RTL1: variants seen among roughly 807,000 people sequenced by gnomAD.
The protein encoded by RTL1 is retrotransposon-like protein 1.
For missense variants in RTL1, 1,681 were observed against 1,767.5 expected (o/e 0.95, Z 0.88); for synonymous variants, 727 against 748.4 (o/e 0.97, Z 0.47).
At chr14:100,887,348 T>G (rs1186053687) in intron 3 of RTL1, among the ~76,000 whole-genome samples, 1 of 152,256 alleles carries the variant, frequency 6.6e-6, no homozygotes, top group East Asian at 1.9e-4. Context: ...TATCTCTTAA[T>G]TACCTATGAG....
intron 2 of RTL1, among the ~76,000 whole-genome samples, chr14:100,902,937 A>G (rs943116295): frequency 3.3e-5 from 5 of 152,212 alleles, no homozygotes; most frequent in African/African-American, 7.2e-5. Flanking sequence ...CCTGCTCCCA[A>G]TACAAACGGG....
Position 100,880,957 on chromosome 14 carries a change from G to T in RTL1, c.3832C>A (p.Pro1278Thr), listed in dbSNP as rs762936144. The T allele has an allele frequency of 4.3e-5, 67 of 1,546,978 alleles. No homozygotes were observed. Among genetic ancestry groups the T allele is most frequent in the Non-Finnish European group, 5.7e-5 (65 of 1,145,004 alleles). ...PPSHTAATHP[P>T]RPRHLMDPQV... ...GGATCCATCAGGTGGCGTGGGCGGG[G>T]TGGGTGGGTGGCTGCTGTGTGGCTG... Residue 1278 changes from proline to threonine, a missense_variant, in exon 4 of 4, where the codon CCC becomes ACC. By Grantham distance (38) the Pro-to-Thr change is conservative (BLOSUM62 -1). Transcript: ENST00000649591.
At position 100,881,731 on chromosome 14, in the gene RTL1, T is replaced by C. The variant is rs2038616932; in HGVS notation, c.3058A>G (p.Arg1020Gly). ...GTCGATGGATCCCTGGGGAATCCCCTTGAGGCCAGCAGCAGGGTTTGCCTG... is the reference window on the plus strand; with the variant it reads ...GTCGATGGATCCCTGGGGAATCCCCCTGAGGCCAGCAGCAGGGTTTGCCTG... The part of the protein sequence containing the change: ...AARQTLLLAS[R>G]GFPRDPSTES... Residue 1020 changes from arginine to glycine, a missense_variant, in exon 4 of 4, where the codon AGG becomes GGG. Physicochemically the swap from Arg to Gly is moderately radical, Grantham distance 125. Coordinates refer to ENST00000649591, the MANE Select transcript of RTL1 (RefSeq NM_001134888.3). This position sits in a 1 kb window ranked among gnomAD's most constrained non-coding sequence, Gnocchi z 6.6. 1 of 1,604,424 alleles carries C rather than the reference T, an allele frequency of 6.2e-7. No homozygotes were observed. The highest frequency in any genetic ancestry group is 8.5e-7 in the Non-Finnish European group (1 of 1,175,040).
At chr14:100,900,596 G>A (rs193289463) in intron 2 of RTL1, among the ~76,000 whole-genome samples, 15 of 152,330 alleles carry the variant, frequency 9.8e-5, no homozygotes, top group Admixed American at 7.2e-4. Context: ...AAAAAGGAGT[G>A]TAGGGGGAGT....
In RTL1 at chr14:100,881,178, A is replaced by G. The variant is rs1166845527; in HGVS notation, c.3611T>C (p.Val1204Ala). The G allele has an allele frequency of 2.6e-6, 4 of 1,541,082 alleles. No individual in the cohort carries two copies. The African/African-American group carries it at 5.5e-5, about 21-fold the overall frequency. The change falls in exon 4 of 4, where the codon GTC becomes GCC. Residue 1204 changes from valine to alanine, a missense_variant. Transcript: ENST00000649591. The surrounding 1 kb of genome is among the most constrained non-coding windows in gnomAD (Gnocchi z 6.6). ...LTLCEFFGVR[V>A]TPQEGHLPAL... ...AGGGAGGTGGCCCTCCTGGGGGGTG[A>G]CTCTGACACCGAAGAACTCACACAG...
rs2038637896 is a variant in RTL1, at chr14:100,882,829, A to G, written c.1960T>C (p.Phe654Leu). 26 of 1,552,676 alleles carry G rather than the reference A, an allele frequency of 1.7e-5. No homozygotes were observed. Among genetic ancestry groups the G allele is most frequent in the Non-Finnish European group, 2.3e-5 (26 of 1,147,330 alleles). ...QDYIQMIPEL[F>L]DQLHGAEWFT... ...CACTCGGCTCCGTGTAACTGGTCAA[A>G]CAGTTCCGGAATCATCTGTATGTAG... is the stretch of plus-strand genomic sequence containing the variant. The change falls in exon 4 of 4, where the codon TTT becomes CTT. Residue 654 changes from phenylalanine to leucine, a missense_variant. Coordinates refer to ENST00000649591, the MANE Select transcript of RTL1 (RefSeq NM_001134888.3).
chr14:100,897,763 TGGGGGGGTGGGGGGCGGGG>T, intron 2 of RTL1: 1 of 26,772 alleles, frequency 3.7e-5, no homozygotes, highest in African/African-American at 2.0e-4. Flanking sequence ...GGGGGGGGGG[TGGGGGGGTGGGGGGCGGGG>T]GGGGGCAGTG....
In RTL1 at chr14:100,882,265, G is replaced by C. The variant is rs1188117152; in HGVS notation, c.2524C>G (p.Gln842Glu). 1.9e-6 allele frequency: 3 copies of C among 1,551,556 alleles called. No homozygotes were observed. The highest frequency in any genetic ancestry group is 2.6e-6 in the Non-Finnish European group (3 of 1,147,014). Reference sequence around the variant, plus strand: ...TGCTCCTCGACTCCCCAGTAGAACTGGTAGGAGCTCAGCAGCTGCCGCACC... The same window carrying C: ...TGCTCCTCGACTCCCCAGTAGAACTCGTAGGAGCTCAGCAGCTGCCGCACC... ...PLVRQLLSSY[Q>E]FYWGVEEQEA... The change falls in exon 4 of 4, where the codon CAG (glutamine) becomes GAG (glutamate). Residue 842 changes from glutamine (Q) to glutamate (E), a missense_variant. Gln to Glu is a conservative substitution (Grantham distance 29). Transcript: ENST00000649591.
rs2038639619 is a variant in RTL1 at position 100,882,912 on chromosome 14, C to A, written c.1877G>T (p.Arg626Ile). 1 of 1,607,114 alleles carries A rather than the reference C, an allele frequency of 6.2e-7. No individual in the cohort carries two copies. Among genetic ancestry groups the A allele is most frequent in the South Asian group, 1.1e-5 (1 of 89,940 alleles). Residue 626 changes from arginine to isoleucine, a missense_variant, in exon 4 of 4, where the codon AGA (arginine) becomes ATA (isoleucine). By Grantham distance (97) the Arg-to-Ile change is moderately conservative. Transcript: ENST00000649591. Reference sequence around the variant, plus strand: ...CCAGTATTCCTCCTGTAGCCTGGCTCTTTCTTGCATCCTGGCACCCACAGG... The same window carrying A: ...CCAGTATTCCTCCTGTAGCCTGGCTATTTCTTGCATCCTGGCACCCACAGG... ...WEPVGARMQERARLQEEYWDL... is the reference protein window; with the variant it reads ...WEPVGARMQEIARLQEEYWDL...
rs1566759007 is a variant in RTL1 at position 100,893,510 on chromosome 14, A to G, written c.-148-5T>C. Among the ~76,000 whole-genome samples the G allele has an allele frequency of 6.6e-6, 1 of 152,168 alleles. No homozygotes were observed. Among genetic ancestry groups the G allele is most frequent in the Non-Finnish European group, 1.5e-5 (1 of 68,040 alleles). ...CCACTCGATCCTCGCTGCTTGCTAA[A>G]AAGTTATTGAATACATTTGTTTCTT... On this transcript the variant is annotated splice_polypyrimidine_tract_variant and splice_region_variant and intron_variant, in intron 2 of 3. Transcript: ENST00000649591. This position sits in a 1 kb window ranked among gnomAD's most constrained non-coding sequence, Gnocchi z 4.2.
chr14:100,892,416 G>A (rs1176687024), intron 3 of RTL1, among the ~76,000 whole-genome samples: 3 of 152,188 alleles, frequency 2.0e-5, no homozygotes, highest in Non-Finnish European at 4.4e-5. Context: ...AGGGAAGACG[G>A]GTGTGTGAAG....
intron 3 of RTL1, among the ~76,000 whole-genome samples, chr14:100,888,000 C>G (rs1302718757): frequency 6.6e-6 from 1 of 152,198 alleles, no homozygotes; most frequent in Non-Finnish European, 1.5e-5. Flanking sequence ...TATTCATTAT[C>G]TGGTTCAGCA....
At chr14:100,886,015 G>C (rs1391693059) in intron 3 of RTL1, among the ~76,000 whole-genome samples, 1 of 152,264 alleles carries the variant, frequency 6.6e-6, no homozygotes, top group East Asian at 1.9e-4. Context: ...TGGAAATCTA[G>C]TGTTGGGTGG....
At chr14:100,899,722 A>AAAAG (rs763297005) in intron 2 of RTL1, among the ~76,000 whole-genome samples, 1 of 151,330 alleles carries the variant, frequency 6.6e-6, no homozygotes, top group Non-Finnish European at 1.5e-5. Flanking sequence ...AAAAAAAAAA[A>AAAAG]AAAGGACTCA....
chr14:100,897,070 T>A (rs1479893892), intron 2 of RTL1, among the ~76,000 whole-genome samples: 1 of 152,140 alleles, frequency 6.6e-6, no homozygotes, highest in Non-Finnish European at 1.5e-5. Context: ...ATCACAGCCC[T>A]GGGCACACAC....
chr14:100,887,401 A>G (rs936083107), intron 3 of RTL1, among the ~76,000 whole-genome samples: 1 of 152,208 alleles, frequency 6.6e-6, no homozygotes, highest in Admixed American at 6.5e-5. Context: ...ACATTTTACT[A>G]TAAAATTTCT....
intron 2 of RTL1, among the ~76,000 whole-genome samples, chr14:100,897,166 C>T (rs72698796): frequency 0.02 from 3,042 of 152,230 alleles, 48 homozygotes; most frequent in Middle Eastern, 0.048. Flanking sequence ...AACATATTCG[C>T]GATAAAATAA....
At chr14:100,888,876 A>C (rs1016703125) in intron 3 of RTL1, among the ~76,000 whole-genome samples, 1 of 152,208 alleles carries the variant, frequency 6.6e-6, no homozygotes, top group African/African-American at 2.4e-5. Context: ...CCTCCTAGGC[A>C]AGCTCTGCAG....
In RTL1 at chr14:100,882,683, C is replaced by T. The variant is rs1194424261; in HGVS notation, c.2106G>A (p.Pro702=). Residue 702 remains proline (P), a synonymous_variant, in exon 4 of 4, where the codon CCG becomes CCA. Coordinates refer to ENST00000649591, the MANE Select transcript of RTL1 (RefSeq NM_001134888.3). ...TGATAGGGTCTGGGGAGAGCGCAAACGGCTGGTAGCTCTTCATCTCTTCAA... is the reference window on the plus strand; with the variant it reads ...TGATAGGGTCTGGGGAGAGCGCAAATGGCTGGTAGCTCTTCATCTCTTCAA... ...LELEEMKSYQ[P]FALSPDPIIP... 4 of 1,551,866 alleles carry T rather than the reference C, an allele frequency of 2.6e-6. No individual in the cohort carries two copies. The highest frequency in any genetic ancestry group is 1.2e-5 in the South Asian group (1 of 84,060).
Sources: allele counts gnomAD v4.1 joint callset (sites outside exome capture counted in the v4.1 genomes callset), GRCh38; gene constraint gnomAD v4.1.1; non-coding constraint Gnocchi (gnomAD v3.1); transcripts MANE v1.5; gene names NCBI Gene and HGNC (gene_info 2026-07-23, HGNC 2026-07-21).